Variants in C9orf85 observed in about 807,000 individuals in gnomAD.
C9orf85 encodes the protein uncharacterized protein C9orf85.
In C9orf85, 16 loss-of-function variants were observed where a neutral mutation model predicts 14.9. That is an observed-to-expected ratio of 1.08 (90% confidence interval 0.73 to 1.63). The LOEUF is 1.63. C9orf85 is among the 40% of genes most tolerant of loss of function. C9orf85 has a pLI of 0.00. For missense variants in C9orf85, 172 were observed against 186.1 expected, an observed-to-expected ratio of 0.92 and a Z score of 0.44; for synonymous variants, 45 against 56.8, an observed-to-expected ratio of 0.79 and a Z score of 0.93.
At chr9:71,932,877 C>G (rs1828103537) in intron 1 of C9orf85, among the ~76,000 whole-genome samples, 1 of 151,694 alleles carries the variant, frequency 6.6e-6, no homozygotes, top group Admixed American at 6.6e-5. Flanking sequence ...TGGAGAGAGT[C>G]AAGAAAATGA....
downstream of C9orf85, chr9:71,973,529 A>G (rs1188671553): frequency 6.6e-6 from 1 of 152,256 alleles, no homozygotes; most frequent in African/African-American, 2.4e-5. Flanking sequence ...TAACAAGCGT[A>G]TAGCAATTCT....
At chr9:71,929,671 T>A (rs1828024765) in intron 1 of C9orf85, among the ~76,000 whole-genome samples, 1 of 152,030 alleles carries the variant, frequency 6.6e-6, no homozygotes, top group South Asian at 2.1e-4. Flanking sequence ...CTAATGTTAT[T>A]CTAGGAACAA....
chr9:71,971,467 TAAAC>T (rs1356590894), intron 2 of C9orf85, 34 bp from the exon 3 acceptor site: 1 of 1,234,524 alleles, frequency 8.1e-7, no homozygotes, highest in Non-Finnish European at 1.1e-6. Context: ...AAGTCTGAAA[TAAAC>T]ATAAATAAGT....
At chr9:71,981,773 C>T (rs1457050332) in intron 3 of C9orf85, among the ~76,000 whole-genome samples, 2 of 152,132 alleles carry the variant, frequency 1.3e-5, no homozygotes, top group Non-Finnish European at 2.9e-5. Context: ...AAAAGGAATT[C>T]TTGGCCTGGA....
intron 2 of C9orf85, among the ~76,000 whole-genome samples, chr9:71,968,532 G>A (rs1440757971): frequency 6.6e-6 from 1 of 151,612 alleles, no homozygotes; most frequent in Non-Finnish European, 1.5e-5. Flanking sequence ...TTCTTTCTTT[G>A]CAAAACTTTG....
intron 1 of C9orf85, among the ~76,000 whole-genome samples, chr9:71,920,456 T>C (rs953403757): frequency 6.6e-6 from 1 of 152,152 alleles, no homozygotes; most frequent in Non-Finnish European, 1.5e-5. Flanking sequence ...TAAAAGAAAG[T>C]TGTAATTAAT....
chr9:71,920,951 A>T (rs1265042042), intron 1 of C9orf85, among the ~76,000 whole-genome samples: 2 of 152,136 alleles, frequency 1.3e-5, no homozygotes, highest in Non-Finnish European at 2.9e-5. Flanking sequence ...CCATGATGGG[A>T]AGTGGGGAAC....
downstream of C9orf85, among the ~76,000 whole-genome samples, chr9:71,976,532 G>A (rs546020870): frequency 2.0e-4 from 30 of 152,034 alleles, no homozygotes; most frequent in Admixed American, 8.5e-4. Flanking sequence ...CGTGGTGGCG[G>A]GCGCCTGTAG....
At chr9:71,917,702 A>C (rs13299567) in intron 1 of C9orf85, among the ~76,000 whole-genome samples, 4 of 152,138 alleles carry the variant, frequency 2.6e-5, no homozygotes, top group South Asian at 4.1e-4. Flanking sequence ...ACCAGATACA[A>C]AAGAGCATAC....
intron 2 of C9orf85, among the ~76,000 whole-genome samples, chr9:71,967,060 G>A (rs1024223495): frequency 2.0e-5 from 3 of 152,174 alleles, no homozygotes; most frequent in Non-Finnish European, 2.9e-5. Context: ...TTAAGAGTGT[G>A]TTTTGAAGAG....
chr9:71,952,581 T>A (rs982973445), intron 2 of C9orf85, among the ~76,000 whole-genome samples: 3 of 152,176 alleles, frequency 2.0e-5, no homozygotes, highest in Non-Finnish European at 2.9e-5. Flanking sequence ...TTAGCCAGGA[T>A]GGTCACCTCG....
At chr9:71,918,661 G>A (rs528199032) in intron 1 of C9orf85, 4 of 312,634 alleles carry the variant, frequency 1.3e-5, no homozygotes, top group African/African-American at 6.7e-5. Context: ...GATTCTCATA[G>A]GAGTGTGAAC....
At chr9:71,932,378 T>TGTCTATAC (rs1640943301) in intron 1 of C9orf85, among the ~76,000 whole-genome samples, 1 of 152,184 alleles carries the variant, frequency 6.6e-6, no homozygotes, top group Non-Finnish European at 1.5e-5. Context: ...GTCAAAGTGT[T>TGTCTATAC]GTCTATACAA....
chr9:71,971,239 T>C (rs1822853536), intron 2 of C9orf85, among the ~76,000 whole-genome samples: 1 of 152,228 alleles, frequency 6.6e-6, no homozygotes, highest in Non-Finnish European at 1.5e-5. Context: ...GAGTTTTGTA[T>C]ATTGATCTTG....
intron 1 of C9orf85, chr9:71,918,418 T>A (rs1827709220): frequency 1.5e-6 from 2 of 1,302,484 alleles, no homozygotes; most frequent in African/African-American, 3.0e-5. Flanking sequence ...CTTTACCTTT[T>A]TGTAAGTCTT....
chr9:71,950,738 G>A (rs1257296269), intron 2 of C9orf85, among the ~76,000 whole-genome samples: 2 of 152,054 alleles, frequency 1.3e-5, no homozygotes, highest in African/African-American at 4.8e-5. Flanking sequence ...TTAAAATGTT[G>A]AATATTGTTT....
chr9:71,940,314 A>G (rs765225210), intron 1 of C9orf85, among the ~76,000 whole-genome samples: 35 of 152,132 alleles, frequency 2.3e-4, no homozygotes, highest in Admixed American at 4.6e-4. Context: ...TATGCATGCA[A>G]TCCCAACTAC....
chr9:71,968,101 T>TAGAG (rs3044594), intron 2 of C9orf85, among the ~76,000 whole-genome samples: 28,623 of 146,608 alleles, frequency 0.2, 2,944 homozygotes, highest in East Asian at 0.32. Flanking sequence ...TATATATATA[T>TAGAG]AGAGAGAGAG....
chr9:71,940,251 T>C (rs1186525451), intron 1 of C9orf85, among the ~76,000 whole-genome samples: 1 of 151,834 alleles, frequency 6.6e-6, no homozygotes, highest in Non-Finnish European at 1.5e-5. Context: ...CGCAAAAGAT[T>C]TGAATAGACA....
Sources: gnomAD v4.1 joint callset for allele counts (sites outside exome capture counted in the v4.1 genomes callset) on GRCh38, gnomAD v4.1.1 for gene constraint, MANE v1.5 for transcripts, NCBI Gene and HGNC (gene_info 2026-07-23, HGNC 2026-07-21) for gene names.